The following TENM3 variants were observed in gnomAD, a reference collection of about 807,000 sequenced individuals.
TENM3 encodes teneurin transmembrane protein 3.
In TENM3, 63 loss-of-function variants were observed where a neutral mutation model predicts 255.1. That is an observed-to-expected ratio of 0.25 (90% CI 0.20 to 0.30). The LOEUF (loss-of-function observed/expected upper bound fraction) is 0.30. Among genes scored for constraint, TENM3 ranks in the 10% least tolerant of loss-of-function variants. The pLI is 1.00. For synonymous variants in TENM3, 1,306 were observed against 1,322.3 expected, an observed-to-expected ratio of 0.99 and a Z score of 0.27; for missense variants, 2,929 against 3,461.1, an observed-to-expected ratio of 0.85 and a Z score of 3.86.
intron 3 of TENM3, 73 bp downstream of exon 3, chr4:182,347,002 G>GGT: frequency 4.5e-6 from 5 of 1,121,430 alleles, no homozygotes; most frequent in South Asian, 3.9e-5. Flanking sequence ...CCGCGGGGGG[G>GGT]GATGTTTTTC....
At chr4:181,868,105 C>A in the TENM3 span, among the ~76,000 whole-genome samples, 1 of 152,058 alleles carries the variant, frequency 6.6e-6, no homozygotes, top group African/African-American at 2.4e-5. Flanking sequence ...GCATAATATG[C>A]ATTCAGCAAA....
the TENM3 span, among the ~76,000 whole-genome samples, chr4:182,071,723 G>A: frequency 2.0e-5 from 3 of 152,076 alleles, no homozygotes; most frequent in Non-Finnish European, 4.4e-5. Context: ...TTTATGCTAT[G>A]AACATTCGAA....
the TENM3 span, among the ~76,000 whole-genome samples, chr4:181,460,416 C>T: frequency 1.3e-5 from 2 of 151,866 alleles, no homozygotes; most frequent in African/African-American, 4.8e-5. Context: ...GTAGCCAGCA[C>T]ATAGTGGAGT....
rs151302759 is a variant in TENM3, at chr4:182,196,523, C to T, written c.-76+51769C>T. Among the ~76,000 whole-genome samples the T allele has an allele frequency of 2.4e-3, 368 of 152,182 alleles. 1 individual carries two copies. The highest frequency in any genetic ancestry group is 8.1e-3 in the African/African-American group (337 of 41,532). On this transcript the variant is annotated intron_variant, in intron 1 of 2. Transcript: ENST00000512480. ...TCTGGGTGGCAGGAGGTAAGCCTGG[C>T]CCTGGACACCAGGCGCCTCACCTTC...
intron 3 of TENM3, among the ~76,000 whole-genome samples, chr4:182,560,342 TTTAACA>T (rs1179891128): frequency 1.3e-5 from 2 of 152,200 alleles, no homozygotes; most frequent in African/African-American, 4.8e-5. Flanking sequence ...AAATTTCCTC[TTTAACA>T]TTAACTCGAG....
chr4:182,756,915 T>C (rs1223675707), intron 22 of TENM3, among the ~76,000 whole-genome samples: 1 of 152,206 alleles, frequency 6.6e-6, no homozygotes, highest in Non-Finnish European at 1.5e-5. Context: ...TCCTTTGCAC[T>C]GTTTTCAAAG....
Position 182,531,203 on chromosome 4 carries a change from C to A in TENM3, c.512-69721C>A, listed in dbSNP as rs191625048. ...GAGTATTCACTTTTGTTAAATACTT[C>A]CGAGACATTCAATAAGAAATGCTAA... On this transcript the variant is annotated intron_variant, in intron 3 of 27. Coordinates refer to ENST00000511685, the MANE Select transcript of TENM3 (RefSeq NM_001080477.4). 8.0e-3 allele frequency among the ~76,000 whole-genome samples: 1,210 copies of A among 152,128 alleles called. 14 individuals are homozygous for A. The highest frequency in any genetic ancestry group is 0.013 in the Non-Finnish European group (897 of 67,998).
intron 17 of TENM3, 92 bp from the exon 18 acceptor site, chr4:182,738,309 G>A (rs1761327498): frequency 8.8e-7 from 1 of 1,142,110 alleles, no homozygotes; most frequent in Non-Finnish European, 1.2e-6. Flanking sequence ...TCAGAACACA[G>A]ATGTGAAAAA....
In TENM3 at chr4:182,792,685, T is replaced by C. The variant is rs990210932; in HGVS notation, c.6013T>C (p.Phe2005Leu). Residue 2005 changes from phenylalanine (F) to leucine (L), a missense_variant, in exon 26 of 28, where the codon TTC (phenylalanine) becomes CTC (leucine). Around this residue, in one of 6 missense-constraint regions of TENM3, gnomAD observed 303 missense variants for 425.2 expected, o/e 0.71. Coordinates refer to ENST00000511685, the MANE Select transcript of TENM3 (RefSeq NM_001080477.4). This position sits in a 1 kb window ranked among gnomAD's most constrained non-coding sequence, Gnocchi z 6.3. ...TGGTCCCCTGATTGACAGGCAGATT[T>C]TCCGCTTTAGTGAAGATGGGATGGT... ...QIGPLIDRQI[F>L]RFSEDGMVNA... 3 of 1,613,864 alleles carry C rather than the reference T, an allele frequency of 1.9e-6. No homozygotes were observed. The highest frequency in any genetic ancestry group is 1.7e-5 in the Admixed American group (1 of 60,000).
At chr4:182,061,026 T>G in the TENM3 span, among the ~76,000 whole-genome samples, 1 of 152,156 alleles carries the variant, frequency 6.6e-6, no homozygotes, top group Non-Finnish European at 1.5e-5. Context: ...GTCTGTCAGG[T>G]GAAATTCACC....
chr4:181,498,846 AT>A, the TENM3 span, among the ~76,000 whole-genome samples: 1 of 152,204 alleles, frequency 6.6e-6, no homozygotes, highest in Non-Finnish European at 1.5e-5. Flanking sequence ...TTAAGTATTG[AT>A]TAGTAAGGCG....
At position 182,637,911 on chromosome 4, in the gene TENM3, C is replaced by T. The variant is rs549800658; in HGVS notation, c.988+9022C>T. 5.3e-5 allele frequency among the ~76,000 whole-genome samples: 8 copies of T among 152,164 alleles called. No homozygotes were observed. The East Asian group carries it at 5.8e-4, about 11-fold the overall frequency. ...GATTATGTGTTTTGACAAATGCTGA[C>T]GTAGGGACAGATTCTAAGTGTTACC... On this transcript the variant is annotated intron_variant, in intron 5 of 27. Coordinates refer to ENST00000511685, the MANE Select transcript of TENM3 (RefSeq NM_001080477.4).
the TENM3 span, among the ~76,000 whole-genome samples, chr4:181,815,387 T>C: frequency 3.5e-5 from 5 of 142,770 alleles, no homozygotes; most frequent in African/African-American, 1.3e-4. Context: ...GCTTGAAACC[T>C]GGGAGGCAGA....
chr4:181,884,001 A>C, the TENM3 span, among the ~76,000 whole-genome samples: 2 of 152,152 alleles, frequency 1.3e-5, no homozygotes. Flanking sequence ...CGGGGAAGTA[A>C]CAAGTTTTGA....
At chr4:182,242,172 T>C (rs1429865096), upstream of TENM3, among the ~76,000 whole-genome samples, 1 of 151,950 alleles carries the variant, frequency 6.6e-6, no homozygotes, top group African/African-American at 2.4e-5. Context: ...ACTCGTCATT[T>C]ACATTAGGTA....
At chr4:181,548,823 G>C in the TENM3 span, among the ~76,000 whole-genome samples, 1 of 152,174 alleles carries the variant, frequency 6.6e-6, no homozygotes. Context: ...ACAAGCTCTT[G>C]CTCCAGGGCA....
chr4:182,346,524 T>C, intron 2 of TENM3, 127 bp from the exon 3 acceptor site: 2 of 898,506 alleles, frequency 2.2e-6, no homozygotes, highest in South Asian at 3.7e-5. Flanking sequence ...CGCCTGGTGC[T>C]GATCGCTGAA....
the TENM3 span, among the ~76,000 whole-genome samples, chr4:181,666,750 A>G: frequency 6.6e-6 from 1 of 152,192 alleles, no homozygotes; most frequent in Non-Finnish European, 1.5e-5. Context: ...AACAACTGCC[A>G]TTGCACAGTG....
chr4:182,761,405 G>A (rs1381825982), intron 22 of TENM3, among the ~76,000 whole-genome samples: 1 of 141,630 alleles, frequency 7.1e-6, no homozygotes. Context: ...GGTGAAAAGA[G>A]TGAGGCTCCA....
Sources: allele counts gnomAD v4.1 joint callset (sites outside exome capture counted in the v4.1 genomes callset), GRCh38; gene constraint gnomAD v4.1.1; regional missense constraint gnomAD v4.1.1; non-coding constraint Gnocchi (gnomAD v3.1); transcripts MANE v1.5; gene names NCBI Gene and HGNC (gene_info 2026-07-23, HGNC 2026-07-21).